Variants in BMPR1B observed in about 807,000 individuals in gnomAD.
BMPR1B encodes the protein bone morphogenetic protein receptor type 1B, also known as bone morphogenetic protein receptor type-1B.
BMPR1B carries 12 observed loss-of-function variants against 59.1 expected under a neutral mutation model. The observed-to-expected ratio is 0.20, with a 90% confidence interval of 0.13 to 0.33. The LOEUF (loss-of-function observed/expected upper bound fraction) is 0.33. BMPR1B is among the 10% of genes least tolerant of loss of function. The pLI, the probability that BMPR1B is intolerant of heterozygous loss-of-function variation, is 1.00. For missense variants in BMPR1B, 550 were observed against 610.9 expected (o/e 0.90, Z 1.05); for synonymous variants, 237 against 207.3 (o/e 1.14, Z -1.23).
chr4:94,982,715 G>A (rs1466068184), intron 2 of BMPR1B, among the ~76,000 whole-genome samples: 3 of 152,082 alleles, frequency 2.0e-5, no homozygotes, highest in Admixed American at 6.5e-5. Flanking sequence ...TTTGTCAGCC[G>A]GGTGCGGTGG....
intron 2 of BMPR1B, among the ~76,000 whole-genome samples, chr4:94,890,807 C>T (rs1292816683): frequency 6.6e-6 from 1 of 151,934 alleles, no homozygotes; most frequent in Admixed American, 6.6e-5. Flanking sequence ...AGGGCCCCAT[C>T]CTCATGATCT....
rs1018063288 is a variant in BMPR1B, at chr4:95,005,432, A to G, written c.-18+9298A>G. Among the ~76,000 whole-genome samples, 7 of 152,004 alleles carry G rather than the reference A, an allele frequency of 4.6e-5. No homozygotes were observed. The East Asian group carries it at 1.3e-3, about 29-fold the overall frequency. On this transcript the variant is annotated intron_variant, in intron 3 of 12. Transcript: ENST00000515059. ...GGCCAATTGTACATTGGCGTCCTGTAAGGCCACTCATTTCTTACATTTAGG... is the reference window on the plus strand; with the variant it reads ...GGCCAATTGTACATTGGCGTCCTGTGAGGCCACTCATTTCTTACATTTAGG...
chr4:95,068,370 A>C (rs1728012820), intron 3 of BMPR1B, among the ~76,000 whole-genome samples: 2 of 152,134 alleles, frequency 1.3e-5, no homozygotes, highest in African/African-American at 4.8e-5. Flanking sequence ...TACATTGGGC[A>C]TCTGTGTGTA....
intron 2 of BMPR1B, among the ~76,000 whole-genome samples, chr4:94,942,462 A>G (rs1216214891): frequency 2.0e-5 from 3 of 152,176 alleles, no homozygotes; most frequent in Non-Finnish European, 2.9e-5. Context: ...TGGAAATTTT[A>G]TTATTCATGC....
Position 95,157,851 on chromosome 4 carries a change from G to A in BMPR1B, c.*3178G>A, listed in dbSNP as rs1735526727. On this transcript the variant is annotated 3_prime_UTR_variant, in exon 13 of 13. Coordinates refer to ENST00000515059, the MANE Select transcript of BMPR1B (RefSeq NM_001203.3). ...AAAGCACTGCTCAAAAGTCATTAGTGCCCATTTTTGAATTCCCCAAACAGA... is the reference window on the plus strand; with the variant it reads ...AAAGCACTGCTCAAAAGTCATTAGTACCCATTTTTGAATTCCCCAAACAGA... 1 of 152,116 alleles carries A rather than the reference G, an allele frequency of 6.6e-6. No homozygotes were observed. Among genetic ancestry groups the A allele is most frequent in the Non-Finnish European group, 1.5e-5 (1 of 68,004 alleles). 9.4% of individuals were successfully genotyped at this position (152,116 alleles called of 1,614,324 possible).
intron 7 of BMPR1B, 36 bp from the exon 8 acceptor site, chr4:95,124,947 C>A (rs758915295): frequency 2.5e-6 from 4 of 1,589,234 alleles, no homozygotes; most frequent in Non-Finnish European, 3.5e-6. Flanking sequence ...CATTGCATTT[C>A]ATTATCTAAA....
chr4:94,840,738 C>T (rs1160202920), intron 1 of BMPR1B, among the ~76,000 whole-genome samples: 2 of 148,070 alleles, frequency 1.4e-5, no homozygotes, highest in Non-Finnish European at 3.0e-5. Flanking sequence ...GTAATTTGAT[C>T]GTCTGAAGCC....
intron 3 of BMPR1B, chr4:95,051,794 A>G: frequency 6.5e-7 from 1 of 1,533,346 alleles, no homozygotes; most frequent in South Asian, 1.2e-5. Context: ...AGTGCCCTCC[A>G]CTACAGTGCT....
At chr4:94,881,180 A>G (rs528603387) in intron 2 of BMPR1B, among the ~76,000 whole-genome samples, 5 of 152,082 alleles carry the variant, frequency 3.3e-5, no homozygotes, top group African/African-American at 9.6e-5. Context: ...TGCAACTGAA[A>G]CTGTACCTTC....
At chr4:94,858,518 A>G (rs1725857446) in intron 1 of BMPR1B, among the ~76,000 whole-genome samples, 1 of 152,212 alleles carries the variant, frequency 6.6e-6, no homozygotes, top group African/African-American at 2.4e-5. Context: ...AGATGTGGCA[A>G]GAGATATTTT....
chr4:95,001,024 C>A (rs528769152), intron 3 of BMPR1B, among the ~76,000 whole-genome samples: 96 of 152,126 alleles, frequency 6.3e-4, no homozygotes, highest in African/African-American at 2.2e-3. Flanking sequence ...GTAACATAAC[C>A]CGCCAAACAT....
chr4:94,891,818 A>G lies in BMPR1B; in HGVS notation c.-113+15918A>G, dbSNP rs572361851. On this transcript the variant is annotated intron_variant, in intron 2 of 12. Transcript: ENST00000515059. ...GATAAAAACTTCATGCTTTACAGAG[A>G]AAGAATGGTTTGCCTGTTTGTTTAT... Among the ~76,000 whole-genome samples the G allele has an allele frequency of 1.9e-4, 29 of 152,202 alleles. 1 individual carries two copies. The highest frequency in any genetic ancestry group is 3.4e-3 in the Middle Eastern group (1 of 294).
chr4:95,135,785 A>G (rs972885995), intron 10 of BMPR1B, among the ~76,000 whole-genome samples: 1 of 152,190 alleles, frequency 6.6e-6, no homozygotes, highest in Non-Finnish European at 1.5e-5. Context: ...GGTTTTCTAG[A>G]TATACAATCA....
In BMPR1B at chr4:94,816,051, TTTCTC is replaced by T. The variant is rs150841649; in HGVS notation, c.-183+57986_-183+57990del. ...TTGTGTAGTTTCCCTGGTTTGTTGT[TTTCTC>T]TTTCTTTTACTTATATTTTGTTTTA... On this transcript the variant is annotated intron_variant, in intron 1 of 12. Coordinates refer to ENST00000515059, the MANE Select transcript of BMPR1B (RefSeq NM_001203.3). Among the ~76,000 whole-genome samples, 1,132 of 152,316 alleles carry T rather than the reference TTTCTC, an allele frequency of 7.4e-3. 16 individuals are homozygous for T. The highest frequency in any genetic ancestry group is 0.026 in the African/African-American group (1,084 of 41,564).
intron 10 of BMPR1B, among the ~76,000 whole-genome samples, chr4:95,147,925 G>C (rs1201394877): frequency 6.6e-6 from 1 of 152,120 alleles, no homozygotes; most frequent in Non-Finnish European, 1.5e-5. Flanking sequence ...CAGTGTGCAG[G>C]TTGTTGTCCC....
At chr4:94,796,984 A>G (rs1723217719) in intron 1 of BMPR1B, among the ~76,000 whole-genome samples, 1 of 152,180 alleles carries the variant, frequency 6.6e-6, no homozygotes, top group Non-Finnish European at 1.5e-5. Context: ...TATGTGTATT[A>G]GTCTGTTTTC....
chr4:94,908,093 A>AAAAAAAAAAAAAAATAAAAAG (rs1553917473), intron 2 of BMPR1B, among the ~76,000 whole-genome samples: 1 of 118,712 alleles, frequency 8.4e-6, no homozygotes, highest in African/African-American at 4.3e-5. Context: ...AAAAAAAAGA[A>AAAAAAAAAAAAAAATAAAAAG]AAAACAAAAA....
intron 4 of BMPR1B, among the ~76,000 whole-genome samples, chr4:95,106,764 G>A (rs112785264): frequency 0.015 from 2,242 of 151,892 alleles, 47 homozygotes; most frequent in African/African-American, 0.05. Flanking sequence ...CACTGTTTGC[G>A]GTGAAACAGA....
chr4:95,126,262 C>G (rs926271416), intron 8 of BMPR1B, among the ~76,000 whole-genome samples: 1 of 152,130 alleles, frequency 6.6e-6, no homozygotes, highest in Non-Finnish European at 1.5e-5. Flanking sequence ...AGTAGAGTGG[C>G]TGATTTATTA....
Sources: allele counts gnomAD v4.1 joint callset (sites outside exome capture counted in the v4.1 genomes callset), GRCh38; gene constraint gnomAD v4.1.1; transcripts MANE v1.5; gene names NCBI Gene and HGNC (gene_info 2026-07-23, HGNC 2026-07-21).